The following DNM3 variants were observed in gnomAD, a reference collection of about 807,000 sequenced individuals.
DNM3 encodes dynamin 3.
DNM3 carries 47 observed loss-of-function variants against 101.6 expected under a neutral mutation model. That is an observed-to-expected ratio of 0.46 (90% CI 0.37 to 0.59). The LOEUF (loss-of-function observed/expected upper bound fraction) is 0.59. DNM3 is among the 20% of genes least tolerant of loss of function. The pLI is 0.00. For synonymous variants in DNM3, 385 were observed against 387.9 expected (o/e 0.99, Z 0.09); for missense variants, 849 against 1,085.7 (o/e 0.78, Z 3.06).
chr1:172,002,833 A>G (rs1402293635), intron 4 of DNM3, among the ~76,000 whole-genome samples: 1 of 152,082 alleles, frequency 6.6e-6, no homozygotes, highest in Non-Finnish European at 1.5e-5. Flanking sequence ...ATGTGAAGGC[A>G]CAATGATAAA....
At chr1:171,929,242 G>T (rs1009025680) in intron 2 of DNM3, among the ~76,000 whole-genome samples, 1 of 150,608 alleles carries the variant, frequency 6.6e-6, no homozygotes, top group Non-Finnish European at 1.5e-5. Context: ...TGGGAGCTCT[G>T]TCCCAGGGTG....
At chr1:171,863,744 C>G (rs1373033931) in intron 1 of DNM3, among the ~76,000 whole-genome samples, 1 of 152,154 alleles carries the variant, frequency 6.6e-6, no homozygotes, top group Admixed American at 6.6e-5. Flanking sequence ...GTCTCCATAG[C>G]GTTACACATG....
chr1:172,274,782 G>A (rs993376990), intron 15 of DNM3, among the ~76,000 whole-genome samples: 6 of 147,086 alleles, frequency 4.1e-5, no homozygotes, highest in Non-Finnish European at 5.9e-5. Context: ...CCTATTGCAC[G>A]CCTGAGCAGT....
chr1:172,176,345 A>G (rs756377226), intron 14 of DNM3, among the ~76,000 whole-genome samples: 3 of 151,886 alleles, frequency 2.0e-5, no homozygotes, highest in Non-Finnish European at 4.4e-5. Flanking sequence ...AGAGCTGGTC[A>G]TAGGAATGCA....
intron 15 of DNM3, among the ~76,000 whole-genome samples, chr1:172,283,780 A>AAAAAAAAAAAAG (rs1553221113): frequency 1.8e-4 from 22 of 119,098 alleles, no homozygotes; most frequent in African/African-American, 7.1e-4. Context: ...AAAAAAAAAA[A>AAAAAAAAAAAAG]AAAGAAAGAA....
chr1:172,032,427 C>T lies in DNM3; in HGVS notation c.615C>T (p.Thr205=). 6.2e-7 allele frequency: 1 copy of T among 1,611,228 alleles called. No individual in the cohort carries two copies. Among genetic ancestry groups the T allele is most frequent in the South Asian group, 1.1e-5 (1 of 90,986 alleles). Residue 205 remains threonine, a synonymous_variant, in exon 5 of 21, where the codon ACC becomes ACT. Coordinates refer to ENST00000627582, the MANE Select transcript of DNM3 (RefSeq NM_015569.5). ...PQGLRTIGVI[T]KLDLMDEGTD... The stretch of plus-strand genomic sequence containing the variant: ...GTCTGAGAACCATTGGAGTTATCAC[C>T]AAACTGGACCTTATGGATGAAGGAA...
intron 15 of DNM3, among the ~76,000 whole-genome samples, chr1:172,293,240 T>C (rs2064004108): frequency 6.6e-6 from 1 of 152,248 alleles, no homozygotes; most frequent in East Asian, 1.9e-4. Flanking sequence ...ACAGCTGACA[T>C]AGGTAAGGGA....
chr1:172,316,551 A>C (rs937859006), intron 16 of DNM3, among the ~76,000 whole-genome samples: 30 of 152,268 alleles, frequency 2.0e-4, no homozygotes, highest in African/African-American at 7.0e-4. Context: ...AAGATCTACC[A>C]AGCAAATGGA....
intron 1 of DNM3, among the ~76,000 whole-genome samples, chr1:171,912,313 GAT>G (rs1234818128): frequency 6.6e-6 from 1 of 152,046 alleles, no homozygotes; most frequent in Non-Finnish European, 1.5e-5. Flanking sequence ...GTATATCTAT[GAT>G]ATTAAACTTA....
chr1:172,327,034 A>G (rs2065964820), intron 17 of DNM3, among the ~76,000 whole-genome samples: 1 of 152,176 alleles, frequency 6.6e-6, no homozygotes. Context: ...GAGAAATAGA[A>G]CAGAAACATG....
intron 13 of DNM3, among the ~76,000 whole-genome samples, chr1:172,106,859 T>TTTTTTTTG: frequency 8.7e-6 from 1 of 114,766 alleles, no homozygotes; most frequent in Non-Finnish European, 1.8e-5. Context: ...TTTTTTTTTT[T>TTTTTTTTG]TTTTTTTTTT....
chr1:172,166,493 A>G (rs1220732843), intron 14 of DNM3, among the ~76,000 whole-genome samples: 1 of 152,094 alleles, frequency 6.6e-6, no homozygotes, highest in Non-Finnish European at 1.5e-5. Flanking sequence ...AATTCCAGGA[A>G]CAAATGTGCA....
chr1:171,898,918 G>A (rs1370119695), intron 1 of DNM3, among the ~76,000 whole-genome samples: 4 of 152,092 alleles, frequency 2.6e-5, no homozygotes, highest in Non-Finnish European at 5.9e-5. Context: ...AGTTCTACAG[G>A]AGGTTATGCA....
intron 13 of DNM3, among the ~76,000 whole-genome samples, chr1:172,094,513 T>A (rs936495754): frequency 3.9e-5 from 6 of 152,156 alleles, no homozygotes; most frequent in African/African-American, 2.4e-5. Context: ...TTCTGTTCTG[T>A]CACTTAAGAG....
chr1:172,368,825 C>CAA (rs1307658931), intron 17 of DNM3, among the ~76,000 whole-genome samples: 1 of 151,708 alleles, frequency 6.6e-6, no homozygotes, highest in Non-Finnish European at 1.5e-5. Flanking sequence ...TTCAGAAATA[C>CAA]AAAGGATTAT....
At chr1:172,156,981 C>T (rs771599043) in intron 14 of DNM3, among the ~76,000 whole-genome samples, 19 of 151,910 alleles carry the variant, frequency 1.3e-4, no homozygotes, top group East Asian at 3.9e-4. Flanking sequence ...TTTTTGGCAC[C>T]GGGGACTGGT....
At chr1:172,235,420 A>AG (rs1557860242) in intron 14 of DNM3, among the ~76,000 whole-genome samples, 5 of 152,218 alleles carry the variant, frequency 3.3e-5, no homozygotes, top group Non-Finnish European at 7.3e-5. Flanking sequence ...TAGTTCAACC[A>AG]TTGTGGAAGT....
intron 17 of DNM3, among the ~76,000 whole-genome samples, chr1:172,361,487 C>A (rs1180530438): frequency 2.6e-5 from 4 of 151,944 alleles, no homozygotes; most frequent in South Asian, 4.1e-4. Context: ...TCACTTAACT[C>A]CCCTGCTTTT....
At chr1:172,176,646 C>T (rs2059162297) in intron 14 of DNM3, among the ~76,000 whole-genome samples, 1 of 151,714 alleles carries the variant, frequency 6.6e-6, no homozygotes, top group South Asian at 2.1e-4. Flanking sequence ...GATTCCTGAC[C>T]CACAGAAATG....
Sources: gnomAD v4.1 joint callset for allele counts (sites outside exome capture counted in the v4.1 genomes callset) on GRCh38, gnomAD v4.1.1 for gene constraint, MANE v1.5 for transcripts, NCBI Gene and HGNC (gene_info 2026-07-23, HGNC 2026-07-21) for gene names.